PAWR: variants seen among roughly 807,000 people sequenced by gnomAD.
PAWR encodes pro-apoptotic WT1 regulator, also known as PRKC apoptosis WT1 regulator protein.
In PAWR, 23 loss-of-function variants were observed where a neutral mutation model predicts 32.0. The observed-to-expected ratio is 0.72, with a 90% CI of 0.52 to 1.02. The LOEUF is 1.02. Ranked by LOEUF, PAWR falls within the 50% of genes least tolerant of loss-of-function variation. The probability of loss-of-function intolerance (pLI) is 0.00; values close to 1 mark genes in which losing one functional copy is unlikely to be tolerated. For synonymous variants in PAWR, 226 were observed against 187.1 expected (o/e 1.21, Z -1.70); for missense variants, 457 against 437.7 (o/e 1.04, Z -0.39).
At chr12:79,630,323 T>G (rs550139870) in intron 2 of PAWR, among the ~76,000 whole-genome samples, 98 of 149,430 alleles carry the variant, frequency 6.6e-4, no homozygotes, top group Non-Finnish European at 8.7e-4. Context: ...ATATTTTTTT[T>G]GAGACAGTCT....
rs559631575 is a variant in PAWR, at chr12:79,610,730, C to A, written c.683+2845G>T. ...CACTTGAGTTTGAGATCACCCTGGGCAACATAGAGAGATTCTGTCTCTACC... is the reference window on the plus strand; with the variant it reads ...CACTTGAGTTTGAGATCACCCTGGGAAACATAGAGAGATTCTGTCTCTACC... On this transcript the variant is annotated intron_variant, in intron 4 of 6. Transcript: ENST00000328827. 6.3e-4 allele frequency among the ~76,000 whole-genome samples: 84 copies of A among 133,252 alleles called. 1 individual carries two copies. In the South Asian group the frequency reaches 0.017, roughly 27 times the overall value. The allele number at this position is 133,252 out of a possible 152,430, so 87.4% of individuals were successfully genotyped here.
intron 2 of PAWR, among the ~76,000 whole-genome samples, chr12:79,627,208 A>G (rs931647426): frequency 2.6e-5 from 4 of 152,118 alleles, no homozygotes; most frequent in Admixed American, 6.5e-5. Context: ...TCCCACCAAC[A>G]GTGTAAAAGT....
At chr12:79,684,567 C>CA (rs1445344943) in intron 2 of PAWR, among the ~76,000 whole-genome samples, 3 of 151,700 alleles carry the variant, frequency 2.0e-5, no homozygotes, top group Non-Finnish European at 4.4e-5. Context: ...GCTGAGATCA[C>CA]ACCACATGCC....
rs8176803 is a variant in PAWR at position 79,690,423 on chromosome 12, G to A, written c.-147-32C>T. 3.9e-3 allele frequency: 4,948 copies of A among 1,280,142 alleles called. 179 individuals are homozygous for A. The African/African-American group carries it at 0.069, about 18-fold the overall frequency. 79.3% of individuals were successfully genotyped at this position (1,280,142 alleles called of 1,614,324 possible). ...TGAAAGACAAAAGGGGGCGGGTAAG[G>A]GAAGCGTAAGATCCCCGCCCGACCC... On this transcript the variant is annotated intron_variant, in intron 1 of 6. Transcript: ENST00000328827.
intron 2 of PAWR, among the ~76,000 whole-genome samples, chr12:79,632,352 TATATATATA>T (rs1566011153): frequency 0.012 from 679 of 56,894 alleles, 18 homozygotes; most frequent in Non-Finnish European, 0.014. Flanking sequence ...TATATATATA[TATATATATA>T]TTTTTTTTTT....
At chr12:79,638,871 TATATATATATATATATATATATATA>T (rs1876111563) in intron 2 of PAWR, among the ~76,000 whole-genome samples, 1 of 6,264 alleles carries the variant, frequency 1.6e-4, no homozygotes, top group Non-Finnish European at 3.9e-4. Flanking sequence ...GTCATATATA[TATATATATATATATATATATATATA>T]TTTTTTTTTT....
At chr12:79,685,457 T>TA in intron 2 of PAWR, among the ~76,000 whole-genome samples, 1 of 152,372 alleles carries the variant, frequency 6.6e-6, no homozygotes, top group East Asian at 1.9e-4. Context: ...AATTATGACC[T>TA]AACCTGTGTT....
intron 3 of PAWR, among the ~76,000 whole-genome samples, chr12:79,620,189 A>C (rs1874934977): frequency 6.6e-6 from 1 of 152,250 alleles, no homozygotes; most frequent in African/African-American, 2.4e-5. Flanking sequence ...ATGACTTCAG[A>C]ATAAAATTTC....
chr12:79,611,195 G>A (rs1287252513), intron 4 of PAWR, among the ~76,000 whole-genome samples: 5 of 142,316 alleles, frequency 3.5e-5, no homozygotes, highest in Non-Finnish European at 7.6e-5. Context: ...AAATCTTATA[G>A]ATATTTATAT....
intron 2 of PAWR, among the ~76,000 whole-genome samples, chr12:79,639,286 T>A (rs1229951853): frequency 6.6e-6 from 1 of 152,172 alleles, no homozygotes; most frequent in African/African-American, 2.4e-5. Flanking sequence ...TATAAGTTAA[T>A]AATATCTAGT....
At chr12:79,636,154 T>C (rs1875952145) in intron 2 of PAWR, among the ~76,000 whole-genome samples, 1 of 152,166 alleles carries the variant, frequency 6.6e-6, no homozygotes, top group African/African-American at 2.4e-5. Flanking sequence ...TACTAACATT[T>C]CTATTACTAC....
In PAWR at chr12:79,690,281, C is replaced by T. The variant is rs2136908283; in HGVS notation, c.-37G>A. ...GGCCGGTCGGGCTCTCACCTCAGGC[C>T]GCCCACCAGGGCTCCGGCCGCTGCC... On this transcript the variant is annotated 5_prime_UTR_variant, in exon 2 of 7. Transcript: ENST00000328827. 4.9e-6 allele frequency: 7 copies of T among 1,433,440 alleles called. No individual in the cohort carries two copies. The highest frequency in any genetic ancestry group is 2.0e-4 in the Middle Eastern group (1 of 4,962). 88.8% of individuals were successfully genotyped at this position (1,433,440 alleles called of 1,614,324 possible). A position where few individuals can be genotyped will look rare whatever the true frequency, so the allele number is the denominator to read the frequency against.
intron 2 of PAWR, among the ~76,000 whole-genome samples, chr12:79,641,889 C>T (rs1447197396): frequency 7.9e-6 from 1 of 127,302 alleles, no homozygotes; most frequent in South Asian, 3.0e-4. Context: ...ATATGATTTA[C>T]TACAGAAAGC....
At chr12:79,678,629 C>A (rs1015020919) in intron 2 of PAWR, among the ~76,000 whole-genome samples, 2 of 152,206 alleles carry the variant, frequency 1.3e-5, no homozygotes, top group Non-Finnish European at 2.9e-5. Flanking sequence ...TTAGATGTAA[C>A]CCATGGAAAG....
At chr12:79,636,063 A>G (rs1162489229) in intron 2 of PAWR, among the ~76,000 whole-genome samples, 1 of 152,158 alleles carries the variant, frequency 6.6e-6, no homozygotes, top group Non-Finnish European at 1.5e-5. Context: ...GCTGCTTTTG[A>G]AAGACTAACC....
chr12:79,674,439 G>T (rs1342772647), intron 2 of PAWR, among the ~76,000 whole-genome samples: 1 of 150,790 alleles, frequency 6.6e-6, no homozygotes, highest in Non-Finnish European at 1.5e-5. Flanking sequence ...TGTAAAACCT[G>T]CAACTATGAA....
At chr12:79,684,124 A>C (rs975276340) in intron 2 of PAWR, among the ~76,000 whole-genome samples, 2 of 152,190 alleles carry the variant, frequency 1.3e-5, no homozygotes, top group African/African-American at 4.8e-5. Flanking sequence ...ACACTTTAAA[A>C]GGGTAAATTT....
At chr12:79,595,735 C>T (rs1013189218) in intron 5 of PAWR, among the ~76,000 whole-genome samples, 10 of 151,962 alleles carry the variant, frequency 6.6e-5, no homozygotes, top group Non-Finnish European at 1.2e-4. Context: ...GCCTGTAATC[C>T]CAGTTACTTG....
At position 79,587,243 on chromosome 12, in the gene PAWR, T is replaced by C. The variant is rs1175826606; in HGVS notation, c.*5364A>G. On this transcript the variant is annotated 3_prime_UTR_variant, in exon 7 of 7. Coordinates refer to ENST00000328827, the MANE Select transcript of PAWR (RefSeq NM_002583.4). The stretch of plus-strand genomic sequence containing the variant: ...TCTAAATAGACTGACTTAAGGATGC[T>C]TTTCCTCTTGTTAGACTTGTATGAC... 6.6e-6 allele frequency: 1 copy of C among 152,110 alleles called. No homozygotes were observed. Among genetic ancestry groups the C allele is most frequent in the Non-Finnish European group, 1.5e-5 (1 of 67,948 alleles). 9.4% of individuals were successfully genotyped at this position (152,110 alleles called of 1,614,324 possible).
Sources: gnomAD v4.1 joint callset for allele counts (sites outside exome capture counted in the v4.1 genomes callset) on GRCh38, gnomAD v4.1.1 for gene constraint, MANE v1.5 for transcripts, NCBI Gene and HGNC (gene_info 2026-07-23, HGNC 2026-07-21) for gene names.